Variants in HELLS observed in about 807,000 individuals in gnomAD.
HELLS encodes the protein helicase, lymphoid specific, also known as lymphoid-specific helicase.
HELLS carries 32 observed loss-of-function variants against 120.0 expected under a neutral mutation model. The ratio of observed to expected loss-of-function variants is 0.27; its 90% CI spans 0.20 to 0.36. HELLS has a LOEUF of 0.36. Ranked by LOEUF, HELLS falls within the 10% of genes least tolerant of loss-of-function variation. The pLI is 1.00. For synonymous variants in HELLS, 341 were observed against 323.4 expected, an observed-to-expected ratio of 1.05 and a Z score of -0.58; for missense variants, 650 against 993.4, an observed-to-expected ratio of 0.65 and a Z score of 4.65.
chr10:94,611,905 C>T (rs895275636), exon 10 of HELLS: 5 of 152,170 alleles, frequency 3.3e-5, no homozygotes, highest in African/African-American at 9.7e-5. Context: ...ACATAAATGT[C>T]AGTTTCTTCA....
chr10:94,593,366 T>C (rs1365950685), intron 17 of HELLS, 133 bp from the exon 18 acceptor site: 6 of 594,880 alleles, frequency 1.0e-5, no homozygotes, highest in African/African-American at 1.9e-5. Flanking sequence ...CATAATTGTT[T>C]TATAGATCTG....
chr10:94,588,119 T>A (rs1007850789), intron 12 of HELLS, 110 bp from the exon 13 acceptor site: 1 of 531,734 alleles, frequency 1.9e-6, no homozygotes, highest in African/African-American at 2.0e-5. Flanking sequence ...GATTTGGCAT[T>A]ATTTATATAG....
At position 94,594,862 on chromosome 10, in the gene HELLS, A is replaced by G; in HGVS notation, c.2248+8A>G. 1 of 1,589,982 alleles carries G rather than the reference A, an allele frequency of 6.3e-7. No homozygotes were observed. The highest frequency in any genetic ancestry group is 8.6e-7 in the Non-Finnish European group (1 of 1,159,828). ...AGTTGATCATCCATAAAAGTAAATAACACTTATGTAGTGCTTTATTGTTTA... is the reference window on the plus strand; with the variant it reads ...AGTTGATCATCCATAAAAGTAAATAGCACTTATGTAGTGCTTTATTGTTTA... On this transcript the variant is annotated splice_region_variant and intron_variant, in intron 19 of 21. Transcript: ENST00000348459.
At chr10:94,598,461 T>A (rs1162075586) in intron 21 of HELLS, among the ~76,000 whole-genome samples, 1 of 152,194 alleles carries the variant, frequency 6.6e-6, no homozygotes, top group African/African-American at 2.4e-5. Flanking sequence ...TGCCTCAGTT[T>A]TTGTTTTTTT....
chr10:94,580,762 T>C (rs1844828934), intron 10 of HELLS, among the ~76,000 whole-genome samples: 1 of 152,152 alleles, frequency 6.6e-6, no homozygotes, highest in African/African-American at 2.4e-5. Flanking sequence ...TTCATATTTC[T>C]GTATGTTAAT....
intron 19 of HELLS, 110 bp from the exon 20 acceptor site, chr10:94,596,750 C>T: frequency 1.7e-6 from 1 of 590,886 alleles, no homozygotes; most frequent in Non-Finnish European, 3.0e-6. Flanking sequence ...TTTTTATCAA[C>T]ACTTTTTTTT....
chr10:94,563,848 C>G (rs1326019230), intron 6 of HELLS, among the ~76,000 whole-genome samples: 1 of 140,976 alleles, frequency 7.1e-6, no homozygotes, highest in Non-Finnish European at 1.5e-5. Flanking sequence ...TTTACCCTTG[C>G]TGCCCAGGCT....
At position 94,545,791 on chromosome 10, in the gene HELLS, G is replaced by C; in HGVS notation, c.-131G>C. 1 of 1,030,732 alleles carries C rather than the reference G, an allele frequency of 9.7e-7. No individual in the cohort carries two copies. The highest frequency in any genetic ancestry group is 2.6e-5 in the East Asian group (1 of 38,552). The allele number at this position is 1,030,732 out of a possible 1,614,324, so 63.8% of individuals were successfully genotyped here. A position where few individuals can be genotyped will look rare whatever the true frequency, so the allele number is the denominator to read the frequency against. ...CGAGATGACAGGATTTTCCCGCGAA[G>C]GAGAAGCGCGCTTTTTTCCCTGGCG... On this transcript the variant is annotated 5_prime_UTR_variant, in exon 1 of 22. Transcript: ENST00000348459.
At chr10:94,591,495 C>T (rs961985560) in intron 15 of HELLS, among the ~76,000 whole-genome samples, 4 of 152,162 alleles carry the variant, frequency 2.6e-5, no homozygotes, top group African/African-American at 9.7e-5. Context: ...TTTTCCACTC[C>T]TGGCAATATT....
At chr10:94,549,110 G>T (rs1427217909) in intron 2 of HELLS, among the ~76,000 whole-genome samples, 1 of 152,120 alleles carries the variant, frequency 6.6e-6, no homozygotes, top group Non-Finnish European at 1.5e-5. Flanking sequence ...GAAAGTTTTT[G>T]ATTATTTTTT....
intron 12 of HELLS, among the ~76,000 whole-genome samples, chr10:94,586,312 G>A (rs1221366971): frequency 2.0e-5 from 3 of 152,164 alleles, no homozygotes; most frequent in South Asian, 2.1e-4. Flanking sequence ...TAGTAGAGAC[G>A]GAGTTTCACT....
chr10:94,556,133 T>C (rs1564578502), intron 3 of HELLS, among the ~76,000 whole-genome samples: 1 of 152,160 alleles, frequency 6.6e-6, no homozygotes, highest in Non-Finnish European at 1.5e-5. Flanking sequence ...ACCCTCAACC[T>C]ATGGGGTATG....
exon 10 of HELLS, chr10:94,613,494 G>A (rs968924946): frequency 1.4e-4 from 22 of 152,014 alleles, no homozygotes; most frequent in African/African-American, 4.8e-4. Flanking sequence ...ATTTGCTTTC[G>A]ATGTTTATTC....
intron 2 of HELLS, among the ~76,000 whole-genome samples, chr10:94,553,785 T>G (rs935058180): frequency 1.3e-5 from 2 of 152,030 alleles, no homozygotes; most frequent in African/African-American, 2.4e-5. Flanking sequence ...CGACCTCAGG[T>G]GATCCGCCTG....
At chr10:94,557,250 A>T in intron 3 of HELLS, 1 of 334,396 alleles carries the variant, frequency 3.0e-6, no homozygotes, top group Non-Finnish European at 6.1e-6. Context: ...CATCACCCAC[A>T]TTTAAAAATT....
chr10:94,594,064 C>T (rs992784092), intron 18 of HELLS, among the ~76,000 whole-genome samples: 10 of 151,660 alleles, frequency 6.6e-5, no homozygotes, highest in African/African-American at 1.9e-4. Context: ...CCACCGCGCC[C>T]GGCCATTCTG....
intron 9 of HELLS, among the ~76,000 whole-genome samples, chr10:94,576,393 C>A (rs1021214089): frequency 1.3e-5 from 2 of 152,198 alleles, no homozygotes; most frequent in East Asian, 1.9e-4. Flanking sequence ...CTTTAGAGAT[C>A]GGCTTGCCTT....
chr10:94,603,718 T>A (rs1184371313), downstream of HELLS, among the ~76,000 whole-genome samples: 1 of 152,266 alleles, frequency 6.6e-6, no homozygotes, highest in Non-Finnish European at 1.5e-5. Context: ...AAATGACAAC[T>A]TTATTCTTCC....
At chr10:94,576,868 A>T in intron 10 of HELLS, 63 bp downstream of exon 10, 2 of 1,400,942 alleles carry the variant, frequency 1.4e-6, no homozygotes, top group Non-Finnish European at 2.0e-6. Flanking sequence ...CATTTATATC[A>T]CTTTCTCACC....
Sources: allele counts gnomAD v4.1 joint callset (sites outside exome capture counted in the v4.1 genomes callset), GRCh38; gene constraint gnomAD v4.1.1; transcripts MANE v1.5; gene names NCBI Gene and HGNC (gene_info 2026-07-23, HGNC 2026-07-21).